The following GREB1L variants were observed in gnomAD, a reference collection of about 807,000 sequenced individuals.
GREB1L encodes GREB1 like retinoic acid receptor coactivator.
GREB1L carries 17 observed loss-of-function variants against 200.8 expected under a neutral mutation model. The observed-to-expected ratio is 0.08, with a 90% CI of 0.06 to 0.13. GREB1L has a LOEUF of 0.13. Ranked by LOEUF, GREB1L falls within the 10% of genes least tolerant of loss-of-function variation. The pLI is 1.00. For synonymous variants in GREB1L, 789 were observed against 893.0 expected (o/e 0.88, Z 2.08); for missense variants, 1,657 against 2,367.7 (o/e 0.70, Z 6.23).
At chr18:21,331,114 T>C (rs1305704537) in intron 1 of GREB1L, among the ~76,000 whole-genome samples, 1 of 152,246 alleles carries the variant, frequency 6.6e-6, no homozygotes, top group Non-Finnish European at 1.5e-5. Flanking sequence ...CTTACTAGTT[T>C]TAGTCAAGTC....
intron 17 of GREB1L, among the ~76,000 whole-genome samples, chr18:21,481,439 A>ATATG (rs2035911244): frequency 7.8e-6 from 1 of 127,500 alleles, no homozygotes; most frequent in Non-Finnish European, 1.7e-5. Context: ...GTATATATGT[A>ATATG]TGTGTGTGTG....
intron 7 of GREB1L, among the ~76,000 whole-genome samples, chr18:21,418,563 G>A (rs1029531880): frequency 1.3e-5 from 2 of 151,914 alleles, no homozygotes; most frequent in Non-Finnish European, 2.9e-5. Context: ...TCACTCTGTT[G>A]CCCAGGCTGG....
At chr18:21,407,649 TTAACTC>T (rs763484466) in intron 7 of GREB1L, among the ~76,000 whole-genome samples, 3 of 151,986 alleles carry the variant, frequency 2.0e-5, no homozygotes, top group Admixed American at 6.6e-5. Context: ...CATAAGTCAA[TTAACTC>T]TAAATATAAG....
At position 21,477,150 on chromosome 18, in the gene GREB1L, C is replaced by G. The variant is rs1465838634; in HGVS notation, c.2364-14C>G. The G allele has an allele frequency of 1.3e-6, 2 of 1,539,052 alleles. No individual in the cohort carries two copies. Among genetic ancestry groups the G allele is most frequent in the Non-Finnish European group, 1.8e-6 (2 of 1,137,570 alleles). On this transcript the variant is annotated splice_polypyrimidine_tract_variant and intron_variant, in intron 16 of 32. Transcript: ENST00000424526. ...TTAAATGAGGTATTAATATGACTTT[C>G]AATTTTTCTACAGTGTCATTTCAGG...
chr18:21,439,749 G>A (rs558706104), intron 8 of GREB1L, 112 bp downstream of exon 8: 6 of 701,816 alleles, frequency 8.5e-6, no homozygotes, highest in South Asian at 3.5e-5. Context: ...TTCTCAGTTC[G>A]TCATACAGTG....
At chr18:21,359,629 G>A (rs1258121129) in intron 1 of GREB1L, among the ~76,000 whole-genome samples, 1 of 152,162 alleles carries the variant, frequency 6.6e-6, no homozygotes, top group Non-Finnish European at 1.5e-5. Context: ...GAGGAACTGC[G>A]TCTCATCTCC....
intron 15 of GREB1L, among the ~76,000 whole-genome samples, chr18:21,466,707 C>A (rs529381118): frequency 1.3e-5 from 2 of 152,024 alleles, no homozygotes; most frequent in Non-Finnish European, 2.9e-5. Flanking sequence ...TCAATGCATC[C>A]CCTACCAAAA....
At chr18:21,297,319 T>C (rs1323878985) in intron 1 of GREB1L, among the ~76,000 whole-genome samples, 1 of 152,156 alleles carries the variant, frequency 6.6e-6, no homozygotes, top group Non-Finnish European at 1.5e-5. Flanking sequence ...GTGATAATAC[T>C]GTCCCCTCAA....
chr18:21,282,721 T>C (rs1441493758), intron 1 of GREB1L, among the ~76,000 whole-genome samples: 1 of 152,122 alleles, frequency 6.6e-6, no homozygotes, highest in Non-Finnish European at 1.5e-5. Flanking sequence ...TGCCTCAGCC[T>C]CCCAGGTAGC....
intron 7 of GREB1L, among the ~76,000 whole-genome samples, chr18:21,406,708 C>T (rs1249929352): frequency 2.0e-5 from 3 of 152,108 alleles, no homozygotes; most frequent in Admixed American, 6.6e-5. Context: ...CTGTAATCAA[C>T]AGTTTTTAGC....
At chr18:21,249,692 TA>T (rs375216761) in intron 1 of GREB1L, among the ~76,000 whole-genome samples, 198 of 145,594 alleles carry the variant, frequency 1.4e-3, no homozygotes, top group Non-Finnish European at 2.1e-3. Context: ...CTGTCTCTAC[TA>T]AAAAAAAAAA....
chr18:21,312,842 GCA>G (rs2038814040), intron 1 of GREB1L, among the ~76,000 whole-genome samples: 4 of 152,164 alleles, frequency 2.6e-5, no homozygotes, highest in Admixed American at 6.5e-5. Context: ...GTGAGCCACT[GCA>G]CCCGGTCCAG....
intron 19 of GREB1L, among the ~76,000 whole-genome samples, chr18:21,492,140 A>G (rs1419165351): frequency 6.6e-6 from 1 of 151,890 alleles, no homozygotes; most frequent in African/African-American, 2.4e-5. Flanking sequence ...AGGTCAGGAG[A>G]TCAAGACCAC....
chr18:21,314,515 A>G (rs999483646), intron 1 of GREB1L, among the ~76,000 whole-genome samples: 10 of 152,212 alleles, frequency 6.6e-5, no homozygotes, highest in African/African-American at 2.4e-4. Flanking sequence ...AGATGTCAGC[A>G]GGAACATCAA....
intron 1 of GREB1L, among the ~76,000 whole-genome samples, chr18:21,262,158 T>C (rs1358252308): frequency 1.3e-5 from 2 of 152,206 alleles, no homozygotes; most frequent in East Asian, 3.8e-4. Context: ...GAAAATCCAC[T>C]AGCATTTTTC....
In GREB1L at chr18:21,425,593, G is replaced by A. The variant is rs1598810699; in HGVS notation, c.833-13928G>A. Among the ~76,000 whole-genome samples the A allele has an allele frequency of 2.0e-5, 3 of 152,204 alleles. No individual in the cohort carries two copies. The South Asian group carries it at 6.2e-4, about 31-fold the overall frequency. On this transcript the variant is annotated intron_variant, in intron 7 of 32. Coordinates refer to ENST00000424526, the MANE Select transcript of GREB1L (RefSeq NM_001142966.3). Reference sequence around the variant, plus strand: ...TTATTATAGCCACCCTTGTGGGTACGATGTAGTAGCTCATTGTGGTTTTGA... The same window carrying A: ...TTATTATAGCCACCCTTGTGGGTACAATGTAGTAGCTCATTGTGGTTTTGA...
chr18:21,386,756 C>T (rs1365318769), intron 4 of GREB1L, among the ~76,000 whole-genome samples: 1 of 151,780 alleles, frequency 6.6e-6, no homozygotes. Context: ...CCGCCTGCCT[C>T]GGCCTCCCAA....
chr18:21,479,282 C>T (rs1283483430), intron 17 of GREB1L, among the ~76,000 whole-genome samples: 2 of 152,066 alleles, frequency 1.3e-5, no homozygotes, highest in Admixed American at 1.3e-4. Context: ...CAGTCTTTTC[C>T]GAAAGGGATC....
At chr18:21,349,262 G>C (rs1224443443) in intron 1 of GREB1L, among the ~76,000 whole-genome samples, 1 of 151,104 alleles carries the variant, frequency 6.6e-6, no homozygotes, top group Non-Finnish European at 1.5e-5. Context: ...GCTTTTTCCT[G>C]CTTCTAGAAT....
Sources: gnomAD v4.1 joint callset for allele counts (sites outside exome capture counted in the v4.1 genomes callset) on GRCh38, gnomAD v4.1.1 for gene constraint, MANE v1.5 for transcripts, NCBI Gene and HGNC (gene_info 2026-07-23, HGNC 2026-07-21) for gene names.